The following LARP4 variants were observed in gnomAD, a reference collection of about 807,000 sequenced individuals.
LARP4 encodes la-related protein 4.
In LARP4, 29 loss-of-function variants were observed where a neutral mutation model predicts 92.9. The ratio of observed to expected loss-of-function variants is 0.31; its 90% CI spans 0.23 to 0.43. The LOEUF (loss-of-function observed/expected upper bound fraction) is 0.43, where lower values mean the gene tolerates loss of function less well. Among genes scored for constraint, LARP4 ranks in the 20% least tolerant of loss-of-function variants. The pLI is 1.00. For synonymous variants in LARP4, 279 were observed against 284.1 expected (o/e 0.98, Z 0.18); for missense variants, 732 against 860.0 (o/e 0.85, Z 1.86).
chr12:50,427,853 A>G lies in LARP4; in HGVS notation c.110A>G (p.His37Arg), dbSNP rs1377318584. Residue 37 changes from histidine to arginine, a missense_variant, in exon 2 of 16, where the codon CAT (histidine) becomes CGT (arginine). Physicochemically the swap from His to Arg is conservative, Grantham distance 29. This residue lies in a region of LARP4 where 236 missense variants were observed against 307.6 expected (regional missense o/e 0.77). Transcript: ENST00000398473. ...AATACTGATGCCACCCCAGTAACTC[A>G]TGGAACTGAAAGCTCTTGGCATGAA... is the stretch of plus-strand genomic sequence containing the variant. Reference protein sequence around the residue: ...PGNTDATPVTHGTESSWHEIA... With the variant: ...PGNTDATPVTRGTESSWHEIA... 3.7e-6 allele frequency: 6 copies of G among 1,603,796 alleles called. No homozygotes were observed. The highest frequency in any genetic ancestry group is 2.2e-5 in the East Asian group (1 of 44,814).
intron 13 of LARP4, among the ~76,000 whole-genome samples, chr12:50,472,130 A>G (rs1477119390): frequency 6.6e-6 from 1 of 152,058 alleles, no homozygotes; most frequent in Non-Finnish European, 1.5e-5. Flanking sequence ...TATTTTATCC[A>G]TCGGTTTTAA....
chr12:50,437,511 G>A (rs1005336895), intron 5 of LARP4, among the ~76,000 whole-genome samples: 1 of 152,124 alleles, frequency 6.6e-6, no homozygotes, highest in Non-Finnish European at 1.5e-5. Context: ...TAAGTACTCT[G>A]AATGTTTTTT....
chr12:50,410,871 CTGAT>C (rs934477714), intron 1 of LARP4, among the ~76,000 whole-genome samples: 8 of 152,110 alleles, frequency 5.3e-5, no homozygotes, highest in African/African-American at 1.9e-4. Context: ...CAGATACTGT[CTGAT>C]TGAGATAGTG....
Position 50,436,123 on chromosome 12 carries a change from ATG to A in LARP4, c.535+515_535+516del, listed in dbSNP as rs1224429640. ...GCTGGTGTGTGTGTGTGTGTGTGATATGTGTGTGTGTGTGTGTATATATCCCG... is the reference window on the plus strand; with the variant it reads ...GCTGGTGTGTGTGTGTGTGTGTGATATGTGTGTGTGTGTGTATATATCCCG... On this transcript the variant is annotated intron_variant, in intron 5 of 15. Transcript: ENST00000398473. Among the ~76,000 whole-genome samples the A allele has an allele frequency of 4.6e-3, 516 of 112,982 alleles. 4 individuals carry two copies. The highest frequency in any genetic ancestry group is 6.5e-3 in the Admixed American group (73 of 11,188). The allele number at this position is 112,982 out of a possible 152,430, so 74.1% of individuals were successfully genotyped here.
intron 2 of LARP4, among the ~76,000 whole-genome samples, 169 bp downstream of exon 2, chr12:50,428,078 C>T (rs961075486): frequency 1.3e-5 from 2 of 150,708 alleles, no homozygotes; most frequent in Non-Finnish European, 2.9e-5. Context: ...TCACTGCAAC[C>T]TCCACCTCCC....
intron 13 of LARP4, among the ~76,000 whole-genome samples, chr12:50,472,471 C>G (rs1957034750): frequency 6.6e-6 from 1 of 151,772 alleles, no homozygotes; most frequent in South Asian, 2.1e-4. Context: ...AGCTTTCATT[C>G]ATGTTGAGCG....
intron 15 of LARP4, among the ~76,000 whole-genome samples, chr12:50,475,272 G>A (rs957855248): frequency 6.6e-6 from 1 of 152,062 alleles, no homozygotes; most frequent in Non-Finnish European, 1.5e-5. Flanking sequence ...TCTGTCCTTT[G>A]TTAGGCATTT....
Position 50,461,176 on chromosome 12 carries a change from C to T in LARP4, c.1163C>T (p.Ser388Leu), listed in dbSNP as rs1292799616. 1 of 1,614,092 alleles carries T rather than the reference C, an allele frequency of 6.2e-7. No individual in the cohort carries two copies. Among genetic ancestry groups the T allele is most frequent in the African/African-American group, 1.3e-5 (1 of 75,014 alleles). Residue 388 changes from serine to leucine, a missense_variant, in exon 11 of 16, where the codon TCA (serine) becomes TTA (leucine). Coordinates refer to ENST00000398473, the MANE Select transcript of LARP4 (RefSeq NM_052879.5). ...QFRSSGGSEHSTEGSVSLGDG... is the reference protein window; with the variant it reads ...QFRSSGGSEHLTEGSVSLGDG... ...AGGTCATCTGGTGGTTCAGAACACT[C>T]AACAGAGGGCTCTGTATCCTTGGGG... is the stretch of plus-strand genomic sequence containing the variant.
At chr12:50,427,391 CTCCTCTG>C (rs1197563401) in intron 1 of LARP4, among the ~76,000 whole-genome samples, 3 of 152,036 alleles carry the variant, frequency 2.0e-5, no homozygotes, top group African/African-American at 7.2e-5. Flanking sequence ...GAGACAGGGT[CTCCTCTG>C]TCATGTAGGC....
chr12:50,463,382 G>C (rs955939553), intron 12 of LARP4, among the ~76,000 whole-genome samples: 6 of 136,558 alleles, frequency 4.4e-5, no homozygotes, highest in Non-Finnish European at 7.5e-5. Context: ...TCAGGAGTTG[G>C]ATACCAGCCT....
chr12:50,423,079 C>T (rs1012957291), intron 1 of LARP4, among the ~76,000 whole-genome samples: 14 of 151,984 alleles, frequency 9.2e-5, no homozygotes, highest in Admixed American at 2.6e-4. Flanking sequence ...CTCAGCCTCC[C>T]ACAGTGTTGG....
chr12:50,427,752 G>A lies in LARP4; in HGVS notation c.19-10G>A, dbSNP rs763201937. On this transcript the variant is annotated splice_polypyrimidine_tract_variant and intron_variant, in intron 1 of 15. Transcript: ENST00000398473. ...TTAAAAATTTACAAATAGATCCTTCGATTATTTAGCAGGTAGCATCTAAAG... is the reference window on the plus strand; with the variant it reads ...TTAAAAATTTACAAATAGATCCTTCAATTATTTAGCAGGTAGCATCTAAAG... The A allele has an allele frequency of 8.0e-5, 118 of 1,471,914 alleles. No homozygotes were observed. Among genetic ancestry groups the A allele is most frequent in the African/African-American group, 1.1e-4 (8 of 71,960 alleles). 91.2% of individuals were successfully genotyped at this position (1,471,914 alleles called of 1,614,324 possible).
chr12:50,436,548 G>T (rs114206534), intron 5 of LARP4, among the ~76,000 whole-genome samples: 207 of 152,284 alleles, frequency 1.4e-3, no homozygotes, highest in African/African-American at 4.4e-3. Context: ...TAACAAACTT[G>T]TTTCTAATTT....
rs548887225 is a variant in LARP4, at chr12:50,419,763, C to T, written c.19-7999C>T. Among the ~76,000 whole-genome samples, 4 of 152,078 alleles carry T rather than the reference C, an allele frequency of 2.6e-5. No individual in the cohort carries two copies. The East Asian group carries it at 7.8e-4, about 29-fold the overall frequency. On this transcript the variant is annotated intron_variant, in intron 1 of 15. Coordinates refer to ENST00000398473, the MANE Select transcript of LARP4 (RefSeq NM_052879.5). ...TCTACAAAAACAAAAACAACCTATC[C>T]ACGTGGTGGCTCAAACCTGTAGTCC... is the stretch of plus-strand genomic sequence containing the variant.
intron 1 of LARP4, among the ~76,000 whole-genome samples, chr12:50,420,068 TATC>T (rs1235407858): frequency 1.3e-5 from 2 of 152,184 alleles, no homozygotes; most frequent in African/African-American, 2.4e-5. Flanking sequence ...ATATTGGAAT[TATC>T]ATCAAGTGTA....
At chr12:50,466,036 G>A (rs1464412151) in intron 12 of LARP4, among the ~76,000 whole-genome samples, 2 of 152,130 alleles carry the variant, frequency 1.3e-5, no homozygotes, top group Non-Finnish European at 2.9e-5. Flanking sequence ...CAGAAGCTAA[G>A]AGAAAAATGT....
At position 50,476,536 on chromosome 12, in the gene LARP4, A is replaced by T. The variant is rs1468421213; in HGVS notation, c.*672A>T. On this transcript the variant is annotated 3_prime_UTR_variant, in exon 16 of 16. Coordinates refer to ENST00000398473, the MANE Select transcript of LARP4 (RefSeq NM_052879.5). Reference sequence around the variant, plus strand: ...TGACCTTACTAATATTTCATTTAACAAGTTGTAAAACTCTGATTGTACTTA... The same window carrying T: ...TGACCTTACTAATATTTCATTTAACTAGTTGTAAAACTCTGATTGTACTTA... The T allele has an allele frequency of 6.6e-6, 1 of 152,582 alleles. No individual in the cohort carries two copies. The highest frequency in any genetic ancestry group is 6.6e-5 in the Admixed American group (1 of 15,266). The allele number at this position is 152,582 out of a possible 1,614,324, so 9.5% of individuals were successfully genotyped here.
At chr12:50,455,220 CTTG>C (rs151024337) in intron 10 of LARP4, among the ~76,000 whole-genome samples, 13 of 151,780 alleles carry the variant, frequency 8.6e-5, no homozygotes, top group African/African-American at 2.7e-4. Context: ...TATGTTATGG[CTTG>C]TTGTTGTTGT....
intron 1 of LARP4, among the ~76,000 whole-genome samples, chr12:50,405,561 A>G (rs570874575): frequency 1.3e-5 from 2 of 151,962 alleles, no homozygotes; most frequent in Non-Finnish European, 2.9e-5. Flanking sequence ...CTGGGACTAT[A>G]GACATGTACC....
Sources: allele counts gnomAD v4.1 joint callset (sites outside exome capture counted in the v4.1 genomes callset), GRCh38; gene constraint gnomAD v4.1.1; regional missense constraint gnomAD v4.1.1; transcripts MANE v1.5; gene names NCBI Gene and HGNC (gene_info 2026-07-23, HGNC 2026-07-21).